The following TAFA5 variants were observed in gnomAD, a reference collection of about 807,000 sequenced individuals.
TAFA5 encodes the protein TAFA chemokine like family member 5.
TAFA5 carries 6 observed loss-of-function variants against 15.3 expected under a neutral mutation model. The observed-to-expected ratio is 0.39, with a 90% CI of 0.21 to 0.77. TAFA5 has a LOEUF of 0.77. Ranked by LOEUF, TAFA5 falls within the 30% of genes least tolerant of loss-of-function variation. The pLI is 0.41. For synonymous variants in TAFA5, 103 were observed against 80.7 expected, an observed-to-expected ratio of 1.28 and a Z score of -1.48; for missense variants, 161 against 193.1, an observed-to-expected ratio of 0.83 and a Z score of 0.98.
At chr22:48,612,026 C>G (rs1363506876) in intron 1 of TAFA5, among the ~76,000 whole-genome samples, 3 of 152,180 alleles carry the variant, frequency 2.0e-5, no homozygotes, top group Non-Finnish European at 4.4e-5. Context: ...AAGGTTGCCT[C>G]TGCACAGGGT....
intron 2 of TAFA5, among the ~76,000 whole-genome samples, chr22:48,669,670 G>A (rs917253506): frequency 3.3e-5 from 5 of 152,194 alleles, no homozygotes; most frequent in African/African-American, 1.2e-4. Context: ...CTGAGCCAGG[G>A]GGTCTTAAAT....
intron 2 of TAFA5, among the ~76,000 whole-genome samples, chr22:48,700,269 G>A (rs570248189): frequency 7.2e-5 from 11 of 152,240 alleles, no homozygotes; most frequent in South Asian, 2.1e-4. Context: ...AGCAGAGGTC[G>A]CCTTCCAGCT....
intron 1 of TAFA5, among the ~76,000 whole-genome samples, chr22:48,641,629 T>TC (rs371345762): frequency 7.8e-6 from 1 of 127,934 alleles, no homozygotes; most frequent in African/African-American, 3.0e-5. Flanking sequence ...CACCCTCCCT[T>TC]CCCCCCCGCA....
rs553035704 is a variant in TAFA5, at chr22:48,642,296, G to A, written c.113-4301G>A. ...CAAATGGCCTCCTTCCAGAAGTTGG[G>A]CAGGTGCAAAGGGGCGGCCCAGGGG... On this transcript the variant is annotated intron_variant, in intron 1 of 3. Transcript: ENST00000402357. 4.6e-5 allele frequency among the ~76,000 whole-genome samples: 7 copies of A among 152,304 alleles called. No homozygotes were observed. In the East Asian group the frequency reaches 1.4e-3, roughly 29 times the overall value.
chr22:48,667,801 G>A (rs796598245), intron 2 of TAFA5, among the ~76,000 whole-genome samples: 5 of 62,122 alleles, frequency 8.0e-5, no homozygotes, highest in Admixed American at 7.6e-4. Flanking sequence ...TCAGGACCGC[G>A]TCTTCACCGG....
chr22:48,567,323 T>C (rs1421628026), intron 1 of TAFA5, among the ~76,000 whole-genome samples: 1 of 151,004 alleles, frequency 6.6e-6, no homozygotes, highest in Non-Finnish European at 1.5e-5. Flanking sequence ...TTCCGAGGAC[T>C]GCGGGTAGCA....
At chr22:48,537,176 C>T (rs1035534157) in intron 1 of TAFA5, among the ~76,000 whole-genome samples, 9 of 150,116 alleles carry the variant, frequency 6.0e-5, no homozygotes, top group Non-Finnish European at 8.9e-5. Flanking sequence ...TGTTCTGTGG[C>T]TCTCGTTCCT....
At chr22:48,716,796 T>C (rs1054729842) in intron 3 of TAFA5, among the ~76,000 whole-genome samples, 4 of 151,988 alleles carry the variant, frequency 2.6e-5, no homozygotes, top group African/African-American at 9.7e-5. Flanking sequence ...CTATAGGTAC[T>C]GTATGCCTGT....
chr22:48,534,211 A>C (rs713928), intron 1 of TAFA5, among the ~76,000 whole-genome samples: 90,748 of 149,074 alleles, frequency 0.61, 27,840 homozygotes, highest in Middle Eastern at 0.69. Context: ...AGGCAGGTGA[A>C]ATGAATAAGT....
intron 1 of TAFA5, among the ~76,000 whole-genome samples, chr22:48,572,308 C>G (rs559270063): frequency 6.6e-6 from 1 of 152,340 alleles, no homozygotes; most frequent in South Asian, 2.1e-4. Context: ...GCCCAACAGG[C>G]TTCTCACTTG....
At chr22:48,634,813 G>A (rs920838272) in intron 1 of TAFA5, among the ~76,000 whole-genome samples, 9 of 152,146 alleles carry the variant, frequency 5.9e-5, no homozygotes, top group African/African-American at 1.9e-4. Flanking sequence ...ATGCACTCAC[G>A]CAATCCTTCC....
rs1483612085 is a variant in TAFA5 at position 48,742,598 on chromosome 22, A to G, written c.391-7241A>G. Among the ~76,000 whole-genome samples, 2 of 138,788 alleles carry G rather than the reference A, an allele frequency of 1.4e-5. No homozygotes were observed. Among genetic ancestry groups the G allele is most frequent in the Admixed American group, 7.0e-5 (1 of 14,250 alleles). 91.1% of individuals were successfully genotyped at this position (138,788 alleles called of 152,430 possible). The stretch of plus-strand genomic sequence containing the variant: ...TGGGCAGCGTGATGGACCAGGCGAC[A>G]TGGTGGACCGGGCCGCATGGTGGAC... On this transcript the variant is annotated intron_variant, in intron 3 of 3. Transcript: ENST00000402357. This position sits in a 1 kb window ranked among gnomAD's most constrained non-coding sequence, Gnocchi z 6.2.
intron 3 of TAFA5, among the ~76,000 whole-genome samples, chr22:48,717,824 G>A (rs1211558502): frequency 6.6e-6 from 1 of 152,228 alleles, no homozygotes; most frequent in Non-Finnish European, 1.5e-5. Context: ...CATAGGCAAG[G>A]GAAGAGGGTC....
chr22:48,678,161 G>A (rs1336987603), intron 2 of TAFA5, among the ~76,000 whole-genome samples: 2 of 152,166 alleles, frequency 1.3e-5, no homozygotes, highest in Non-Finnish European at 1.5e-5. Flanking sequence ...TTCCTGGGGC[G>A]GCTGCTCTGG....
At chr22:48,633,536 C>CTG (rs1926320027) in intron 1 of TAFA5, among the ~76,000 whole-genome samples, 1 of 123,146 alleles carries the variant, frequency 8.1e-6, no homozygotes, top group Non-Finnish European at 1.8e-5. Context: ...CTGTCTGTCT[C>CTG]TCCCTCTCTC....
intron 1 of TAFA5, among the ~76,000 whole-genome samples, chr22:48,494,158 T>G (rs1475745460): frequency 1.3e-5 from 2 of 152,234 alleles, no homozygotes; most frequent in African/African-American, 4.8e-5. Context: ...GATCAACTTT[T>G]GTGGCATGAA....
intron 2 of TAFA5, among the ~76,000 whole-genome samples, chr22:48,704,796 A>G (rs1423858178): frequency 2.0e-5 from 3 of 151,880 alleles, no homozygotes; most frequent in African/African-American, 7.3e-5. Flanking sequence ...TGCCGTAGCA[A>G]AACTCCGCAT....
At chr22:48,743,336 C>A (rs1231946311) in intron 3 of TAFA5, among the ~76,000 whole-genome samples, 1 of 152,228 alleles carries the variant, frequency 6.6e-6, no homozygotes, top group Non-Finnish European at 1.5e-5. Context: ...TGGCTCCCGC[C>A]TCTGTCTCTG....
At chr22:48,629,883 C>G (rs1433538279) in intron 1 of TAFA5, among the ~76,000 whole-genome samples, 1 of 152,230 alleles carries the variant, frequency 6.6e-6, no homozygotes, top group Non-Finnish European at 1.5e-5. Context: ...CGAGTGTCCT[C>G]CCGGCAGAGG....
Sources: gnomAD v4.1 joint callset for allele counts (sites outside exome capture counted in the v4.1 genomes callset) on GRCh38, gnomAD v4.1.1 for gene constraint, Gnocchi (gnomAD v3.1) non-coding constraint, MANE v1.5 for transcripts, NCBI Gene and HGNC (gene_info 2026-07-23, HGNC 2026-07-21) for gene names.